Variants in RALGDS observed in about 807,000 individuals in gnomAD.
RALGDS encodes the protein ral guanine nucleotide dissociation stimulator.
Under a neutral mutation model 99.8 loss-of-function variants are expected in RALGDS, and 44 were observed. The observed-to-expected ratio is 0.44, with a 90% CI of 0.35 to 0.57. The LOEUF is 0.57. Ranked by LOEUF, RALGDS falls within the 20% of genes least tolerant of loss-of-function variation. The pLI, the probability that RALGDS is intolerant of heterozygous loss-of-function variation, is 0.01. For synonymous variants in RALGDS, 529 were observed against 505.0 expected (o/e 1.05, Z -0.64); for missense variants, 1,022 against 1,203.1 (o/e 0.85, Z 2.23).
intron 6 of RALGDS, 140 bp downstream of exon 6, chr9:133,107,848 C>T (rs533857777): frequency 2.5e-4 from 279 of 1,112,082 alleles, no homozygotes; most frequent in African/African-American, 3.4e-4. Context: ...GGTTAAGGAA[C>T]GACCTGGTTA....
chr9:133,137,348 C>T lies in RALGDS; in HGVS notation c.18+11615G>A, dbSNP rs149423785. Among the ~76,000 whole-genome samples the T allele has an allele frequency of 2.4e-4, 37 of 152,386 alleles. No homozygotes were observed. The East Asian group carries it at 6.2e-3, about 25-fold the overall frequency. Reference sequence around the variant, plus strand: ...TTCCCCAGGGTCCTGATGCCTAGAACAGCATCTAGCACACAGCTGGCTCTC... The same window carrying T: ...TTCCCCAGGGTCCTGATGCCTAGAATAGCATCTAGCACACAGCTGGCTCTC... On this transcript the variant is annotated intron_variant, in intron 1 of 17. Coordinates refer to the RALGDS transcript ENST00000393160.
At chr9:133,121,402 G>T (rs1465905511), upstream of RALGDS, among the ~76,000 whole-genome samples, 1 of 151,424 alleles carries the variant, frequency 6.6e-6, no homozygotes, top group Admixed American at 6.6e-5. Context: ...GCGGGACCGG[G>T]AGCCTGGAGG....
chr9:133,106,881 C>A, intron 7 of RALGDS, 133 bp from the exon 8 acceptor site: 1 of 916,312 alleles, frequency 1.1e-6, no homozygotes, highest in South Asian at 1.4e-5. Context: ...ACGCCTGCGA[C>A]CCGGGGGTGA....
At chr9:133,101,292 C>A (rs2519090) in intron 16 of RALGDS, 281,580 of 1,374,538 alleles carry the variant, frequency 0.2, 30,871 homozygotes, top group East Asian at 0.37. Flanking sequence ...CCTACAGCAC[C>A]GCCCCTTCAG....
rs916384658 is a variant in RALGDS, at chr9:133,102,219, G to T, written c.2010-80C>A. ...CACAGCCCCTGCACCCTGCGCCCAA[G>T]GACTGTGCAAAGTGCTGGGACAGTT... On this transcript the variant is annotated intron_variant, in intron 14 of 17. Coordinates refer to ENST00000372050, the MANE Select transcript of RALGDS (RefSeq NM_006266.4). 6 of 1,452,082 alleles carry T rather than the reference G, an allele frequency of 4.1e-6. No individual in the cohort carries two copies. In the African/African-American group the frequency reaches 7.1e-5, roughly 17 times the overall value. The allele number at this position is 1,452,082 out of a possible 1,614,324, so 89.9% of individuals were successfully genotyped here.
intron 11 of RALGDS, 171 bp downstream of exon 11, chr9:133,103,576 C>T: frequency 2.6e-6 from 2 of 777,246 alleles, no homozygotes; most frequent in Non-Finnish European, 2.2e-6. Context: ...TGGGCTGTGT[C>T]CCACTCAGCC....
At chr9:133,142,042 C>T (rs1055717921) in intron 1 of RALGDS, among the ~76,000 whole-genome samples, 2 of 152,218 alleles carry the variant, frequency 1.3e-5, no homozygotes, top group East Asian at 3.9e-4. Flanking sequence ...GCTTTCTGAC[C>T]TTGCGTTTTC....
At chr9:133,107,590 T>C (rs1831135574) in intron 6 of RALGDS, among the ~76,000 whole-genome samples, 1 of 151,730 alleles carries the variant, frequency 6.6e-6, no homozygotes, top group African/African-American at 2.4e-5. Context: ...CTGTGGGCGC[T>C]ACAACTAAGG....
exon 1 of RALGDS, chr9:133,131,036 G>A (rs1427085669): frequency 5.9e-6 from 9 of 1,533,460 alleles, no homozygotes; most frequent in South Asian, 1.2e-5. Flanking sequence ...GCAGAGGCGG[G>A]GAGGAGAGGG....
intron 17 of RALGDS, chr9:133,100,018 T>C: frequency 1.8e-6 from 1 of 567,028 alleles, no homozygotes; most frequent in South Asian, 2.0e-5. Flanking sequence ...GAAAAATGCC[T>C]TTTCTCTTTG....
chr9:133,122,120 T>A (rs1009385169), upstream of RALGDS, among the ~76,000 whole-genome samples: 1 of 152,186 alleles, frequency 6.6e-6, no homozygotes, highest in Non-Finnish European at 1.5e-5. Flanking sequence ...CTGGGGCTGC[T>A]TGTGGCTTGG....
chr9:133,107,023 C>T (rs552191937), intron 7 of RALGDS, 62 bp downstream of exon 7: 536 of 1,577,142 alleles, frequency 3.4e-4, no homozygotes, highest in Non-Finnish European at 4.3e-4. Flanking sequence ...CCTTGGACTG[C>T]AGACCACAAC....
rs1832589997 is a variant in RALGDS at position 133,144,442 on chromosome 9, G to T, written c.18+4521C>A. On this transcript the variant is annotated intron_variant, in intron 1 of 17. Coordinates refer to the RALGDS transcript ENST00000393160. This position sits in a 1 kb window ranked among gnomAD's most constrained non-coding sequence, Gnocchi z 4.5. The stretch of plus-strand genomic sequence containing the variant: ...CACCCAGTCACCCCGCCTCGGCCCC[G>T]CCTGGTTTGATTTCCTCCCGTGTGT... Among the ~76,000 whole-genome samples, 1 of 152,112 alleles carries T rather than the reference G, an allele frequency of 6.6e-6. No homozygotes were observed. Among genetic ancestry groups the T allele is most frequent in the Admixed American group, 6.5e-5 (1 of 15,278 alleles).
intron 1 of RALGDS, among the ~76,000 whole-genome samples, chr9:133,116,973 G>T (rs1831639636): frequency 6.6e-6 from 1 of 152,254 alleles, no homozygotes; most frequent in Non-Finnish European, 1.5e-5. Flanking sequence ...ATTCGCAGGG[G>T]AGGGTGGCAG....
At chr9:133,105,553 C>T (rs569894546) in intron 9 of RALGDS, among the ~76,000 whole-genome samples, 2 of 152,074 alleles carry the variant, frequency 1.3e-5, no homozygotes, top group South Asian at 4.2e-4. Flanking sequence ...CGTCAGGAGC[C>T]TGGCCTCCCG....
At chr9:133,105,824 A>AG in intron 9 of RALGDS, 108 bp downstream of exon 9, 5 of 72,276 alleles carry the variant, frequency 6.9e-5, no homozygotes, top group South Asian at 1.3e-4. Context: ...CCGCCGCCCC[A>AG]GCCCCCGCCC....
chr9:133,142,394 T>A (rs1274643022), intron 1 of RALGDS, among the ~76,000 whole-genome samples: 1 of 151,990 alleles, frequency 6.6e-6, no homozygotes, highest in Non-Finnish European at 1.5e-5. Context: ...AAGTGAGCCA[T>A]CGGAAAGCCC....
rs694881 is a variant in RALGDS, at chr9:133,102,766, G to A, written c.1913+13C>T. On this transcript the variant is annotated intron_variant, in intron 13 of 17. Transcript: ENST00000372050. ...CCTGCCCCCACTGTCCCCATTTGCT[G>A]CCCCGGCCTCACCTCTCAGTCTCGC... 1 of 1,608,710 alleles carries A rather than the reference G, an allele frequency of 6.2e-7. No homozygotes were observed. The highest frequency in any genetic ancestry group is 8.5e-7 in the Non-Finnish European group (1 of 1,178,784).
intron 1 of RALGDS, among the ~76,000 whole-genome samples, chr9:133,117,890 TC>T (rs1175941916): frequency 3.3e-5 from 5 of 152,104 alleles, no homozygotes; most frequent in African/African-American, 1.2e-4. Flanking sequence ...GTGATAAATC[TC>T]CCCACTCTTT....
Sources: gnomAD v4.1 joint callset for allele counts (sites outside exome capture counted in the v4.1 genomes callset) on GRCh38, gnomAD v4.1.1 for gene constraint, Gnocchi (gnomAD v3.1) non-coding constraint, MANE v1.5 for transcripts, NCBI Gene and HGNC (gene_info 2026-07-23, HGNC 2026-07-21) for gene names.